RNF128: variants seen among roughly 807,000 people sequenced by gnomAD.
RNF128 encodes E3 ubiquitin-protein ligase RNF128.
RNF128 carries 13 observed loss-of-function variants against 26.2 expected under a neutral mutation model. The observed-to-expected ratio is 0.50, with a 90% CI of 0.32 to 0.79. The LOEUF is 0.79. RNF128 is among the 30% of genes least tolerant of loss of function. RNF128 has a pLI of 0.03. For synonymous variants in RNF128, 149 were observed against 142.5 expected, an observed-to-expected ratio of 1.05 and a Z score of -0.32; for missense variants, 315 against 349.7, an observed-to-expected ratio of 0.90 and a Z score of 0.79.
chrX:106,794,017 A>G (rs1318795313), intron 6 of RNF128, among the ~76,000 whole-genome samples: 1 of 111,470 alleles, frequency 9.0e-6, no homozygotes, highest in Non-Finnish European at 1.9e-5. Context: ...ACTTTTAGCA[A>G]TCATTGATGC....
At chrX:106,720,468 C>T (rs999568843) in intron 1 of RNF128, among the ~76,000 whole-genome samples, 5 of 111,375 alleles carry the variant, frequency 4.5e-5, no homozygotes, top group African/African-American at 1.3e-4. Context: ...CCTGCCTCAG[C>T]CTCTCAAAAT....
chrX:106,785,183 C>T, intron 3 of RNF128, 47 bp downstream of exon 3: 1 of 965,234 alleles, frequency 1.0e-6, no homozygotes, highest in Non-Finnish European at 1.4e-6. Context: ...GCAGTGCTAC[C>T]AAGCCATTGT....
At chrX:106,788,104 T>A in intron 4 of RNF128, 104 bp downstream of exon 4, 1 of 423,622 alleles carries the variant, frequency 2.4e-6, no homozygotes, top group Non-Finnish European at 3.7e-6. Flanking sequence ...ATGTAAAAAA[T>A]GTTTATTTTT....
chrX:106,772,164 A>G (rs7062754), intron 1 of RNF128, among the ~76,000 whole-genome samples: 8,773 of 111,583 alleles, frequency 0.079, 858 homozygotes, highest in African/African-American at 0.27. Context: ...CACAAAACTT[A>G]TATAATTGGT....
chrX:106,706,138 T>G (rs964488162), intron 1 of RNF128, among the ~76,000 whole-genome samples: 2 of 111,575 alleles, frequency 1.8e-5, no homozygotes, highest in African/African-American at 6.5e-5. Context: ...CCCTAGGGTA[T>G]GAACCCCTGG....
intron 3 of RNF128, 61 bp from the exon 4 acceptor site, chrX:106,787,857 G>A: frequency 1.3e-6 from 1 of 796,648 alleles, no homozygotes; most frequent in Non-Finnish European, 1.9e-6. Flanking sequence ...TTCTGATCTT[G>A]TTCTGTAGTT....
At position 106,726,959 on chromosome X, in the gene RNF128, G is replaced by C. The variant is rs1184726844; in HGVS notation, c.46G>C (p.Gly16Arg). ...GAGVSCRGGC[G>R]FSRLLAWCFL... ...CGGGGTCTCCTGCCGCGGTGGCTGC[G>C]GCTTTTCCAGATTGCTGGCATGGTG... Residue 16 changes from glycine to arginine, a missense_variant, in exon 1 of 7, where the codon GGC (glycine) becomes CGC (arginine). By Grantham distance (125) the Gly-to-Arg change is moderately radical. Coordinates refer to ENST00000255499, the MANE Select transcript of RNF128 (RefSeq NM_194463.2). The C allele has an allele frequency of 8.4e-7, 1 of 1,189,759 alleles. No homozygotes were observed.
At chrX:106,744,020 G>A (rs1054443518) in intron 1 of RNF128, among the ~76,000 whole-genome samples, 10 of 106,292 alleles carry the variant, frequency 9.4e-5, no homozygotes, top group Admixed American at 2.1e-4. Context: ...ACCAAACATC[G>A]CATGTTCTCA....
At chrX:106,742,592 C>A (rs1020214026) in intron 1 of RNF128, among the ~76,000 whole-genome samples, 1 of 111,707 alleles carries the variant, frequency 9.0e-6, no homozygotes, top group African/African-American at 3.3e-5. Flanking sequence ...CTACTAGTCT[C>A]TGAGATTCTT....
At chrX:106,777,278 G>A (rs749194806) in intron 2 of RNF128, among the ~76,000 whole-genome samples, 1 of 111,911 alleles carries the variant, frequency 8.9e-6, no homozygotes, top group South Asian at 3.7e-4. Flanking sequence ...ATATTAAATT[G>A]CTCTGTGCAA....
chrX:106,708,594 A>G (rs781502035), intron 1 of RNF128, among the ~76,000 whole-genome samples: 74 of 112,202 alleles, frequency 6.6e-4, no homozygotes, highest in Non-Finnish European at 1.2e-3. Context: ...GCTTTCAGAG[A>G]AAGAAACTCT....
chrX:106,718,603 T>A (rs1192341846), intron 1 of RNF128, among the ~76,000 whole-genome samples: 5 of 110,673 alleles, frequency 4.5e-5, no homozygotes, highest in African/African-American at 6.6e-5. Context: ...TCTGATTCAA[T>A]GCATCTGGGC....
intron 3 of RNF128, among the ~76,000 whole-genome samples, chrX:106,785,555 G>A (rs1405401905): frequency 8.9e-6 from 1 of 111,759 alleles, no homozygotes; most frequent in African/African-American, 3.3e-5. Flanking sequence ...AAGGGATGCA[G>A]ACAGCCTCTA....
At chrX:106,719,485 T>C (rs1183997891) in intron 1 of RNF128, among the ~76,000 whole-genome samples, 1 of 111,710 alleles carries the variant, frequency 9.0e-6, no homozygotes, top group South Asian at 3.7e-4. Context: ...CCTCCCAAAG[T>C]GCTGGGATTA....
At chrX:106,711,596 A>G (rs1412149869) in intron 1 of RNF128, among the ~76,000 whole-genome samples, 1 of 112,232 alleles carries the variant, frequency 8.9e-6, no homozygotes, top group Admixed American at 9.5e-5. Flanking sequence ...CCAACCTTAT[A>G]AAAGAAAGGC....
intron 1 of RNF128, among the ~76,000 whole-genome samples, chrX:106,713,860 C>T (rs1603082910): frequency 9.0e-6 from 1 of 111,106 alleles, no homozygotes; most frequent in African/African-American, 3.3e-5. Flanking sequence ...AGAGGTAACT[C>T]TGACCTCAGA....
chrX:106,704,938 T>C (rs764149438), intron 1 of RNF128, among the ~76,000 whole-genome samples: 2 of 112,039 alleles, frequency 1.8e-5, no homozygotes, highest in Admixed American at 1.9e-4. Flanking sequence ...TGTAAGAGCA[T>C]TATTCACAAG....
intron 1 of RNF128, among the ~76,000 whole-genome samples, chrX:106,715,741 G>A (rs976038504): frequency 8.9e-6 from 1 of 111,854 alleles, no homozygotes; most frequent in African/African-American, 3.2e-5. Context: ...TCCTTGGTAT[G>A]CTTTGGATAT....
At chrX:106,766,071 T>C (rs2147690656) in intron 1 of RNF128, among the ~76,000 whole-genome samples, 1 of 111,783 alleles carries the variant, frequency 8.9e-6, no homozygotes, top group East Asian at 2.8e-4. Context: ...CTGCATAGTA[T>C]TCCATGGTAT....
Sources: gnomAD v4.1 joint callset for allele counts (sites outside exome capture counted in the v4.1 genomes callset) on GRCh38, gnomAD v4.1.1 for gene constraint, MANE v1.5 for transcripts, NCBI Gene and HGNC (gene_info 2026-07-23, HGNC 2026-07-21) for gene names.